HDGFL3: variants seen among roughly 807,000 people sequenced by gnomAD.
The protein encoded by HDGFL3 is HDGF like 3.
Under a neutral mutation model 27.6 loss-of-function variants are expected in HDGFL3, and 6 were observed. That is an observed-to-expected ratio of 0.22 (90% CI 0.12 to 0.43). The LOEUF (loss-of-function observed/expected upper bound fraction) is 0.43, where lower values mean the gene tolerates loss of function less well. HDGFL3 is among the 20% of genes least tolerant of loss of function. The pLI is 1.00. For missense variants in HDGFL3, 207 were observed against 250.1 expected (o/e 0.83, Z 1.16); for synonymous variants, 88 against 88.9 (o/e 0.99, Z 0.05).
rs2036058666 is a variant in HDGFL3, at chr15:83,129,549, C to T, written c.*9721G>A. 6.6e-6 allele frequency: 1 copy of T among 152,168 alleles called. No homozygotes were observed. The highest frequency in any genetic ancestry group is 2.1e-4 in the South Asian group (1 of 4,830). The allele number at this position is 152,168 out of a possible 1,614,324, so 9.4% of individuals were successfully genotyped here. On this transcript the variant is annotated 3_prime_UTR_variant, in exon 6 of 6. Coordinates refer to ENST00000299633, the MANE Select transcript of HDGFL3 (RefSeq NM_016073.4). ...GGCTCAGTCCACCTGAAATTATTTG[C>T]CTAAGATTACAGTTATTAAATGGCA...
chr15:83,142,228 C>T (rs188607325), intron 5 of HDGFL3, among the ~76,000 whole-genome samples: 21 of 152,244 alleles, frequency 1.4e-4, no homozygotes, highest in Non-Finnish European at 2.5e-4. Flanking sequence ...TGAGAATGTT[C>T]ACTGCAGCAC....
intron 1 of HDGFL3, among the ~76,000 whole-genome samples, chr15:83,167,245 G>A (rs1009430963): frequency 4.6e-5 from 7 of 152,040 alleles, no homozygotes; most frequent in African/African-American, 1.7e-4. Context: ...CAGACTTTAC[G>A]TCAACAACAG....
chr15:83,132,718 T>C lies in HDGFL3; in HGVS notation c.*6552A>G, dbSNP rs2036337698. On this transcript the variant is annotated 3_prime_UTR_variant, in exon 6 of 6. Coordinates refer to ENST00000299633, the MANE Select transcript of HDGFL3 (RefSeq NM_016073.4). ...CTGGAAGTAAATTTCATACGGTTTT[T>C]CCCTCATGGAGACGTTAAGAAAAAT... is the stretch of plus-strand genomic sequence containing the variant. 6.6e-6 allele frequency: 1 copy of C among 152,054 alleles called. No homozygotes were observed. The highest frequency in any genetic ancestry group is 1.5e-5 in the Non-Finnish European group (1 of 68,016). 9.4% of individuals were successfully genotyped at this position (152,054 alleles called of 1,614,324 possible).
intron 5 of HDGFL3, among the ~76,000 whole-genome samples, chr15:83,139,792 T>G (rs1480461479): frequency 2.0e-5 from 3 of 152,186 alleles, no homozygotes; most frequent in African/African-American, 7.2e-5. Context: ...GACTTCTTGC[T>G]TTTAAAAAAA....
chr15:83,190,683 T>C (rs907447034), intron 1 of HDGFL3, among the ~76,000 whole-genome samples: 1 of 152,222 alleles, frequency 6.6e-6, no homozygotes, highest in African/African-American at 2.4e-5. Context: ...ATTGGTTCTA[T>C]GTATGGTAAG....
chr15:83,126,741 A>C (rs2035786351), downstream of HDGFL3: 1 of 1,601,670 alleles, frequency 6.2e-7, no homozygotes, highest in African/African-American at 1.3e-5. Context: ...TAATGAGTTT[A>C]TTTTTGTCCT....
intron 1 of HDGFL3, among the ~76,000 whole-genome samples, chr15:83,200,242 A>T (rs1231535122): frequency 6.6e-6 from 1 of 151,664 alleles, no homozygotes; most frequent in Non-Finnish European, 1.5e-5. Flanking sequence ...GCTACTCGGG[A>T]GGCTGAGGCA....
At chr15:83,181,564 C>A (rs1422274397) in intron 1 of HDGFL3, among the ~76,000 whole-genome samples, 5 of 152,222 alleles carry the variant, frequency 3.3e-5, no homozygotes, top group Non-Finnish European at 7.3e-5. Context: ...CAGCCTCCGC[C>A]TCCTGGGTTC....
intron 1 of HDGFL3, among the ~76,000 whole-genome samples, chr15:83,193,387 C>G (rs1053922048): frequency 2.0e-5 from 3 of 152,122 alleles, no homozygotes; most frequent in Non-Finnish European, 2.9e-5. Flanking sequence ...AAGATACCAC[C>G]TCACACCCAT....
chr15:83,115,972 T>C, intron 3 of HDGFL3: 1 of 1,559,198 alleles, frequency 6.4e-7, no homozygotes, highest in African/African-American at 1.4e-5. Flanking sequence ...TTATGAGGTT[T>C]CAACCAAAAG....
intron 1 of HDGFL3, among the ~76,000 whole-genome samples, chr15:83,206,391 A>G (rs2037716009): frequency 1.3e-5 from 2 of 152,222 alleles, no homozygotes; most frequent in South Asian, 4.1e-4. Context: ...TATTTCAAGC[A>G]ATCAACTGCC....
intron 5 of HDGFL3, among the ~76,000 whole-genome samples, chr15:83,141,752 A>C (rs921223303): frequency 7.9e-5 from 12 of 152,292 alleles, no homozygotes; most frequent in African/African-American, 2.9e-4. Flanking sequence ...CTTGGCCCCA[A>C]TACTTAAAGA....
In HDGFL3 at chr15:83,175,839, G is replaced by A. The variant is rs373678990; in HGVS notation, c.85-11764C>T. On this transcript the variant is annotated intron_variant, in intron 1 of 5. Coordinates refer to ENST00000299633, the MANE Select transcript of HDGFL3 (RefSeq NM_016073.4). Reference sequence around the variant, plus strand: ...CAAGCCACTGTACTCCAGTCTGGGCGACAGAGCGAGACTTCGTCTCAAAAA... The same window carrying A: ...CAAGCCACTGTACTCCAGTCTGGGCAACAGAGCGAGACTTCGTCTCAAAAA... 3.0e-4 allele frequency among the ~76,000 whole-genome samples: 45 copies of A among 152,236 alleles called. No homozygotes were observed. In the South Asian group the frequency reaches 5.0e-3, roughly 17 times the overall value.
chr15:83,198,556 G>A (rs2037600058), intron 1 of HDGFL3, among the ~76,000 whole-genome samples: 1 of 152,178 alleles, frequency 6.6e-6, no homozygotes, highest in African/African-American at 2.4e-5. Context: ...AATAAATGAG[G>A]CTGGGTAATT....
chr15:83,119,435 C>A, intron 3 of HDGFL3: 1 of 875,300 alleles, frequency 1.1e-6, no homozygotes, highest in Non-Finnish European at 1.8e-6. Context: ...TTTTCATGTT[C>A]CTACCAATTT....
At chr15:83,192,398 C>T in intron 1 of HDGFL3, 1 of 428,954 alleles carries the variant, frequency 2.3e-6, no homozygotes, top group Admixed American at 2.5e-5. Flanking sequence ...GGAAAGCAAA[C>T]AGTAGGAAGA....
chr15:83,153,428 T>G (rs1229039510), intron 4 of HDGFL3, among the ~76,000 whole-genome samples: 2 of 152,184 alleles, frequency 1.3e-5, no homozygotes, highest in African/African-American at 4.8e-5. Context: ...TTGGCATGTA[T>G]TTGGGATATA....
At chr15:83,192,742 C>T (rs915826334) in intron 1 of HDGFL3, among the ~76,000 whole-genome samples, 1 of 152,136 alleles carries the variant, frequency 6.6e-6, no homozygotes, top group African/African-American at 2.4e-5. Flanking sequence ...TTAAGATATG[C>T]CTGTTTTAAA....
chr15:83,193,008 C>T lies in HDGFL3; in HGVS notation c.84+14323G>A, dbSNP rs972927245. The stretch of plus-strand genomic sequence containing the variant: ...CATGTAACGCCATGTCACCACAGGA[C>T]CTTACTTCATTGCTCCTGCCTTTAC... On this transcript the variant is annotated intron_variant, in intron 1 of 5. Transcript: ENST00000299633. 2.6e-5 allele frequency among the ~76,000 whole-genome samples: 4 copies of T among 152,194 alleles called. No homozygotes were observed. The East Asian group carries it at 5.8e-4, about 22-fold the overall frequency.
Sources: gnomAD v4.1 joint callset for allele counts (sites outside exome capture counted in the v4.1 genomes callset) on GRCh38, gnomAD v4.1.1 for gene constraint, MANE v1.5 for transcripts, NCBI Gene and HGNC (gene_info 2026-07-23, HGNC 2026-07-21) for gene names.